The following CFAP100 variants were observed in gnomAD, a reference collection of about 807,000 sequenced individuals.
CFAP100 encodes cilia- and flagella-associated protein 100.
A neutral mutation model predicts 81.5 loss-of-function variants in CFAP100; 70 were observed. The ratio of observed to expected loss-of-function variants is 0.86; its 90% CI spans 0.71 to 1.05. The LOEUF (loss-of-function observed/expected upper bound fraction) is 1.05. CFAP100 is among the 50% of genes least tolerant of loss of function. The probability of loss-of-function intolerance (pLI) is 0.00; values close to 1 mark genes in which losing one functional copy is unlikely to be tolerated. For missense variants in CFAP100, 811 were observed against 776.5 expected (o/e 1.04, Z -0.53); for synonymous variants, 341 against 314.8 (o/e 1.08, Z -0.88).
chr3:126,408,037 C>G (rs1250414779), intron 3 of CFAP100, among the ~76,000 whole-genome samples: 1 of 152,192 alleles, frequency 6.6e-6, no homozygotes, highest in Admixed American at 6.5e-5. Context: ...ACCCCTCTCC[C>G]CACCACATTT....
intron 3 of CFAP100, among the ~76,000 whole-genome samples, chr3:126,409,690 G>A (rs934014320): frequency 5.9e-5 from 9 of 152,312 alleles, no homozygotes; most frequent in Admixed American, 1.3e-4. Flanking sequence ...GAGAGCAATT[G>A]CCTTTTCATA....
chr3:126,406,092 C>T (rs926866250), intron 2 of CFAP100, among the ~76,000 whole-genome samples: 5 of 152,152 alleles, frequency 3.3e-5, no homozygotes, highest in Admixed American at 3.3e-4. Flanking sequence ...AGAGGACAAT[C>T]ATGGTTCAGC....
chr3:126,409,142 A>T (rs769216095), intron 3 of CFAP100, among the ~76,000 whole-genome samples: 1 of 152,070 alleles, frequency 6.6e-6, no homozygotes, highest in Non-Finnish European at 1.5e-5. Context: ...CCCTATGAAG[A>T]TCTAGACCAT....
At chr3:126,419,854 T>C (rs2083300420) in intron 9 of CFAP100, 36 bp downstream of exon 9, 1 of 1,610,630 alleles carries the variant, frequency 6.2e-7, no homozygotes, top group Admixed American at 1.7e-5. Context: ...CCAGGTGGGC[T>C]CTGCCAGTGG....
chr3:126,405,367 G>A (rs1207569617), intron 2 of CFAP100, among the ~76,000 whole-genome samples: 1 of 152,208 alleles, frequency 6.6e-6, no homozygotes, highest in Non-Finnish European at 1.5e-5. Context: ...TCTAGTCAGA[G>A]CTGCAAAAAT....
At chr3:126,425,764 C>T (rs2083395305) in intron 13 of CFAP100, among the ~76,000 whole-genome samples, 1 of 152,262 alleles carries the variant, frequency 6.6e-6, no homozygotes, top group African/African-American at 2.4e-5. Flanking sequence ...GTTCAACATT[C>T]AAAACTTAAC....
intron 11 of CFAP100, 130 bp from the exon 12 acceptor site, chr3:126,423,195 G>A: frequency 1.4e-6 from 1 of 692,174 alleles, no homozygotes; most frequent in South Asian, 2.0e-5. Flanking sequence ...TGCCCTCTGG[G>A]TAACTTGTGG....
intron 2 of CFAP100, among the ~76,000 whole-genome samples, chr3:126,406,240 A>G (rs1487492710): frequency 6.6e-6 from 1 of 151,508 alleles, no homozygotes; most frequent in African/African-American, 2.4e-5. Context: ...GTCCCACAAG[A>G]CTCCCGCCAT....
intron 3 of CFAP100, 152 bp from the exon 4 acceptor site, chr3:126,413,933 G>A: frequency 1.4e-6 from 1 of 694,826 alleles, no homozygotes; most frequent in Admixed American, 2.0e-5. Flanking sequence ...AAGGTCCAGG[G>A]TTGGACTTTA....
At chr3:126,415,088 C>A (rs2083213188) in intron 4 of CFAP100, among the ~76,000 whole-genome samples, 1 of 152,164 alleles carries the variant, frequency 6.6e-6, no homozygotes, top group Non-Finnish European at 1.5e-5. Flanking sequence ...GGCCACCCTA[C>A]TGTATCTTCT....
intron 13 of CFAP100, 70 bp downstream of exon 13, chr3:126,423,714 G>A: frequency 1.3e-6 from 2 of 1,582,270 alleles, no homozygotes; most frequent in Admixed American, 1.7e-5. Context: ...AGCACTGGGA[G>A]CCAAGTTGGG....
At position 126,418,637 on chromosome 3, in the gene CFAP100, G is replaced by A; in HGVS notation, c.513G>A (p.Glu171=). ...ATGCCCTGGATGTCAAGCGGAGAGA[G>A]ATCCAGCGGCTGGAGACGCTGGCGA... ...LQYALDVKRR[E]IQRLETLATK... The change falls in exon 7 of 17, where the codon GAG becomes GAA. Residue 171 remains glutamate (E), a synonymous_variant. Coordinates refer to ENST00000352312, the MANE Select transcript of CFAP100 (RefSeq NM_182628.3). 6.3e-7 allele frequency: 1 copy of A among 1,597,376 alleles called. No homozygotes were observed. Among genetic ancestry groups the A allele is most frequent in the Non-Finnish European group, 8.5e-7 (1 of 1,172,548 alleles).
intron 16 of CFAP100, among the ~76,000 whole-genome samples, chr3:126,436,011 A>G (rs1933430710): frequency 6.6e-6 from 1 of 152,134 alleles, no homozygotes; most frequent in African/African-American, 2.4e-5. Flanking sequence ...CTGTGTCCCA[A>G]GGCCCCCACC....
intron 2 of CFAP100, among the ~76,000 whole-genome samples, chr3:126,402,568 C>T (rs916863853): frequency 2.0e-5 from 3 of 152,076 alleles, no homozygotes; most frequent in Non-Finnish European, 4.4e-5. Flanking sequence ...GGGCAGGGAT[C>T]AGTGGTCCTG....
intron 5 of CFAP100, 174 bp downstream of exon 5, chr3:126,416,682 C>T (rs1382890729): frequency 3.6e-6 from 2 of 548,908 alleles, no homozygotes; most frequent in African/African-American, 3.9e-5. Context: ...GGTCCCAAAG[C>T]TCTATTCCAG....
chr3:126,413,892 T>C (rs2030546795), intron 3 of CFAP100, among the ~76,000 whole-genome samples, 193 bp from the exon 4 acceptor site: 1 of 152,160 alleles, frequency 6.6e-6, no homozygotes, highest in Non-Finnish European at 1.5e-5. Context: ...TTGAACCAGG[T>C]TAAACTACAG....
At chr3:126,399,427 T>G (rs2082937353) in intron 2 of CFAP100, among the ~76,000 whole-genome samples, 1 of 152,060 alleles carries the variant, frequency 6.6e-6, no homozygotes, top group Non-Finnish European at 1.5e-5. Flanking sequence ...AAAAAAGAAG[T>G]AAAAGACCCA....
intron 15 of CFAP100, among the ~76,000 whole-genome samples, 159 bp from the exon 16 acceptor site, chr3:126,435,400 G>A (rs1933406339): frequency 6.6e-6 from 1 of 152,200 alleles, no homozygotes; most frequent in African/African-American, 2.4e-5. Context: ...CGGTGCTTTG[G>A]CTGTGGATAG....
At chr3:126,415,660 A>G (rs2107601945) in intron 4 of CFAP100, among the ~76,000 whole-genome samples, 1 of 152,236 alleles carries the variant, frequency 6.6e-6, no homozygotes, top group Admixed American at 6.5e-5. Flanking sequence ...GTCTACGTGA[A>G]GAGACTCCCG....
Sources: allele counts gnomAD v4.1 joint callset (sites outside exome capture counted in the v4.1 genomes callset), GRCh38; gene constraint gnomAD v4.1.1; transcripts MANE v1.5; gene names NCBI Gene and HGNC (gene_info 2026-07-23, HGNC 2026-07-21).